SH3GL2: variants seen among roughly 807,000 people sequenced by gnomAD.
SH3GL2 encodes the protein SH3 domain containing GRB2 like 2, endophilin A1.
SH3GL2 carries 24 observed loss-of-function variants against 46.0 expected under a neutral mutation model. The ratio of observed to expected loss-of-function variants is 0.52; its 90% CI spans 0.38 to 0.73. SH3GL2 has a LOEUF of 0.73. SH3GL2 is among the 30% of genes least tolerant of loss of function. The pLI is 0.00. For missense variants in SH3GL2, 413 were observed against 424.2 expected (o/e 0.97, Z 0.23); for synonymous variants, 196 against 147.1 (o/e 1.33, Z -2.40).
At chr9:17,758,948 A>T (rs1001034188) in intron 2 of SH3GL2, among the ~76,000 whole-genome samples, 1 of 152,168 alleles carries the variant, frequency 6.6e-6, no homozygotes, top group Non-Finnish European at 1.5e-5. Flanking sequence ...CCTGGGGACC[A>T]AATGTAATAA....
At chr9:17,770,316 C>T (rs554586366) in intron 3 of SH3GL2, among the ~76,000 whole-genome samples, 3 of 152,018 alleles carry the variant, frequency 2.0e-5, no homozygotes, top group South Asian at 2.1e-4. Flanking sequence ...GCAATTTGCC[C>T]GAACTATACA....
At chr9:17,655,368 G>A (rs1263223436) in intron 1 of SH3GL2, among the ~76,000 whole-genome samples, 5 of 152,042 alleles carry the variant, frequency 3.3e-5, no homozygotes, top group African/African-American at 7.2e-5. Flanking sequence ...GTTTTACTAC[G>A]ATCTCTGGCT....
intron 1 of SH3GL2, among the ~76,000 whole-genome samples, chr9:17,746,338 A>T (rs1822685946): frequency 6.6e-6 from 1 of 152,200 alleles, no homozygotes; most frequent in African/African-American, 2.4e-5. Flanking sequence ...GGCCTCCCAA[A>T]GTGCTGGGAT....
Position 17,662,672 on chromosome 9 carries a change from A to G in SH3GL2, c.45+83385A>G, listed in dbSNP as rs180935185. 5.3e-5 allele frequency among the ~76,000 whole-genome samples: 8 copies of G among 151,524 alleles called. No homozygotes were observed. In the East Asian group the frequency reaches 1.4e-3, roughly 26 times the overall value. On this transcript the variant is annotated intron_variant, in intron 1 of 8. Transcript: ENST00000380607. ...TTCACATTTTGCAGCAGCACATGTA[A>G]AAATACATGCTTTCAGTTTTTTGGC...
In SH3GL2 at chr9:17,717,671, G is replaced by A. The variant is rs116675316; in HGVS notation, c.46-29395G>A. Among the ~76,000 whole-genome samples, 1,042 of 152,222 alleles carry A rather than the reference G, an allele frequency of 6.8e-3. 13 individuals carry two copies. The highest frequency in any genetic ancestry group is 0.024 in the African/African-American group (992 of 41,556). Reference sequence around the variant, plus strand: ...GGGGGAAGAGAAGTTAAATGATACAGCGCACAGATAAAATTGCTAACAGAA... The same window carrying A: ...GGGGGAAGAGAAGTTAAATGATACAACGCACAGATAAAATTGCTAACAGAA... On this transcript the variant is annotated intron_variant, in intron 1 of 8. Coordinates refer to ENST00000380607, the MANE Select transcript of SH3GL2 (RefSeq NM_003026.5).
At chr9:17,770,218 G>C (rs1256960087) in intron 3 of SH3GL2, among the ~76,000 whole-genome samples, 5 of 152,190 alleles carry the variant, frequency 3.3e-5, no homozygotes. Flanking sequence ...TCACTGGGCT[G>C]AAGCTATTAA....
chr9:17,789,706 A>G lies in SH3GL2; in HGVS notation c.624+156A>G. On this transcript the variant is annotated intron_variant, in intron 6 of 8. Transcript: ENST00000380607. ...TTATTTTAAATAATTGTCAGTCATA[A>G]AGTAGACTGAGAAATAGAAAAGTTT... The G allele has an allele frequency of 4.4e-6, 6 of 1,371,308 alleles. No individual in the cohort carries two copies. In the Admixed American group the frequency reaches 1.2e-4, roughly 27 times the overall value. The allele number at this position is 1,371,308 out of a possible 1,614,324, so 84.9% of individuals were successfully genotyped here.
intron 1 of SH3GL2, among the ~76,000 whole-genome samples, chr9:17,642,588 A>G (rs1819710568): frequency 6.6e-6 from 1 of 152,196 alleles, no homozygotes; most frequent in Admixed American, 6.5e-5. Context: ...CAGTTTTCCC[A>G]ACACCATTGA....
At chr9:17,672,788 C>T (rs1298902882) in intron 1 of SH3GL2, among the ~76,000 whole-genome samples, 2 of 152,158 alleles carry the variant, frequency 1.3e-5, no homozygotes, top group Non-Finnish European at 2.9e-5. Flanking sequence ...AGAAGCTTTC[C>T]ATGGGTGATT....
intron 1 of SH3GL2, among the ~76,000 whole-genome samples, chr9:17,717,647 G>T (rs1307042090): frequency 6.6e-6 from 1 of 152,078 alleles, no homozygotes; most frequent in Non-Finnish European, 1.5e-5. Flanking sequence ...AGACAAAGCG[G>T]GGGAAGAGAA....
chr9:17,711,620 T>TC (rs1821627291), intron 1 of SH3GL2, among the ~76,000 whole-genome samples: 1 of 151,918 alleles, frequency 6.6e-6, no homozygotes, highest in Admixed American at 6.6e-5. Context: ...GTTTTGAGAC[T>TC]CCATGTTTTT....
At chr9:17,735,856 C>A in intron 1 of SH3GL2, 1 of 376,054 alleles carries the variant, frequency 2.7e-6, no homozygotes, top group Non-Finnish European at 3.7e-6. Flanking sequence ...GTATATGTTT[C>A]ATCTATTGCA....
At chr9:17,646,562 G>A (rs930228725) in intron 1 of SH3GL2, among the ~76,000 whole-genome samples, 57 of 152,036 alleles carry the variant, frequency 3.7e-4, no homozygotes, top group African/African-American at 1.2e-3. Context: ...GAATTTTTGC[G>A]TGGTCATGCT....
intron 2 of SH3GL2, among the ~76,000 whole-genome samples, chr9:17,758,436 C>T (rs1242837063): frequency 6.6e-6 from 1 of 151,530 alleles, no homozygotes; most frequent in East Asian, 1.9e-4. Flanking sequence ...GTGGTGCGTG[C>T]CTCTAGTCCC....
At chr9:17,754,061 A>G (rs984653989) in intron 2 of SH3GL2, among the ~76,000 whole-genome samples, 1 of 152,174 alleles carries the variant, frequency 6.6e-6, no homozygotes, top group Non-Finnish European at 1.5e-5. Context: ...TACCAGTACC[A>G]TGCTGTTTTG....
chr9:17,747,761 G>A (rs561235962), intron 2 of SH3GL2, among the ~76,000 whole-genome samples: 26 of 152,130 alleles, frequency 1.7e-4, no homozygotes, highest in Admixed American at 8.5e-4. Flanking sequence ...TGCAACCTCC[G>A]TCTCCTGGGT....
Position 17,730,415 on chromosome 9 carries a change from T to A in SH3GL2, c.46-16651T>A, listed in dbSNP as rs553508338. On this transcript the variant is annotated intron_variant, in intron 1 of 8. Transcript: ENST00000380607. ...CATGTCGTTTGCAGGCAGAGACAGT[T>A]TGAATTCGTCTCTTCCTGTTTGAAT... Among the ~76,000 whole-genome samples the A allele has an allele frequency of 2.6e-5, 4 of 152,256 alleles. No homozygotes were observed. In the East Asian group the frequency reaches 7.7e-4, roughly 29 times the overall value.
chr9:17,644,878 T>C (rs1025982552), intron 1 of SH3GL2, among the ~76,000 whole-genome samples: 1 of 152,052 alleles, frequency 6.6e-6, no homozygotes, highest in African/African-American at 2.4e-5. Flanking sequence ...TGAATATCCT[T>C]GTTAATTTTC....
intron 1 of SH3GL2, among the ~76,000 whole-genome samples, chr9:17,702,912 G>A (rs145754463): frequency 6.8e-4 from 103 of 152,150 alleles, no homozygotes; most frequent in Middle Eastern, 6.8e-3. Flanking sequence ...TTAATGCCTT[G>A]CTGTCAGCTG....
Sources: gnomAD v4.1 joint callset for allele counts (sites outside exome capture counted in the v4.1 genomes callset) on GRCh38, gnomAD v4.1.1 for gene constraint, MANE v1.5 for transcripts, NCBI Gene and HGNC (gene_info 2026-07-23, HGNC 2026-07-21) for gene names.